The following SIRT1 variants were observed in gnomAD, a reference collection of about 807,000 sequenced individuals.
The protein encoded by SIRT1 is sirtuin 1, also known as NAD-dependent protein deacetylase sirtuin-1.
In SIRT1, 24 loss-of-function variants were observed where a neutral mutation model predicts 67.9. The observed-to-expected ratio is 0.35, with a 90% CI of 0.26 to 0.50. SIRT1 has a LOEUF of 0.50. SIRT1 is among the 20% of genes least tolerant of loss of function. The probability of loss-of-function intolerance (pLI) is 0.98; values close to 1 mark genes in which losing one functional copy is unlikely to be tolerated. For missense variants in SIRT1, 873 were observed against 937.2 expected (o/e 0.93, Z 0.89); for synonymous variants, 378 against 350.7 (o/e 1.08, Z -0.87).
chr10:67,885,129 G>T lies in SIRT1; in HGVS notation c.408G>T (p.Ala136=). ...AGGGCGAGGAGGAGGAAGAGGCGGC[G>T]GCGGCGGCGATTGGGTACCGAGGTG... The part of the protein sequence containing the change: ...DDEGEEEEEA[A]AAAIGYRDNL... The change falls in exon 1 of 9, where the codon GCG becomes GCT. Residue 136 remains alanine (A), a synonymous_variant. Coordinates refer to ENST00000212015, the MANE Select transcript of SIRT1 (RefSeq NM_012238.5). The T allele has an allele frequency of 7.0e-7, 1 of 1,435,398 alleles. No homozygotes were observed. Among genetic ancestry groups the T allele is most frequent in the Non-Finnish European group, 9.2e-7 (1 of 1,089,436 alleles). 88.9% of individuals were successfully genotyped at this position (1,435,398 alleles called of 1,614,324 possible). A position where few individuals can be genotyped will look rare whatever the true frequency, so the allele number is the denominator to read the frequency against.
chr10:67,912,709 T>G lies in SIRT1; in HGVS notation c.1593T>G (p.Pro531=). 1 of 1,614,144 alleles carries G rather than the reference T, an allele frequency of 6.2e-7. No individual in the cohort carries two copies. Among genetic ancestry groups the G allele is most frequent in the Non-Finnish European group, 8.5e-7 (1 of 1,180,024 alleles). The change falls in exon 8 of 9, where the codon CCT becomes CCG. Residue 531 remains proline, a synonymous_variant. Transcript: ENST00000212015. ...LAYLSELPPT[P]LHVSEDSSSP... ...ATTTGTCAGAGTTGCCACCCACACC[T>G]CTTCATGTTTCAGAAGACTCAAGTT...
At chr10:67,909,152 TA>T in intron 6 of SIRT1, 103 bp from the exon 7 acceptor site, 1 of 750,210 alleles carries the variant, frequency 1.3e-6, no homozygotes, top group Non-Finnish European at 2.1e-6. Flanking sequence ...GTTTTTTTTT[TA>T]ATAATTCTGA....
Position 67,916,731 on chromosome 10 carries a change from G to T in SIRT1, c.*138G>T, listed in dbSNP as rs1294780772. 15 of 522,958 alleles carry T rather than the reference G, an allele frequency of 2.9e-5. No individual in the cohort carries two copies. The highest frequency in any genetic ancestry group is 1.5e-4 in the South Asian group (3 of 19,650). The allele number at this position is 522,958 out of a possible 1,614,324, so 32.4% of individuals were successfully genotyped here. ...TATTTATAGGTTGGTAAAATAGATT[G>T]TTTTTCATGGATAATTTTTAACTTC... On this transcript the variant is annotated 3_prime_UTR_variant, in exon 9 of 9. Transcript: ENST00000212015.
chr10:67,893,799 T>C (rs776769606), intron 4 of SIRT1, among the ~76,000 whole-genome samples: 12 of 152,162 alleles, frequency 7.9e-5, no homozygotes, highest in Non-Finnish European at 1.6e-4. Context: ...CATCTCAGCC[T>C]CCCAAAGTGC....
At chr10:67,907,549 AT>A (rs1265337623) in intron 5 of SIRT1, among the ~76,000 whole-genome samples, 3 of 152,098 alleles carry the variant, frequency 2.0e-5, no homozygotes, top group African/African-American at 7.2e-5. Context: ...TTAGCTGTTA[AT>A]GAAGAAATGT....
At position 67,917,516 on chromosome 10, in the gene SIRT1, G is replaced by A. The variant is rs2029959085; in HGVS notation, c.*923G>A. ...AAATGTGAATATGCAAAGCCTTTCT[G>A]AATCTATAATAATGGTACTTCTACT... is the stretch of plus-strand genomic sequence containing the variant. On this transcript the variant is annotated 3_prime_UTR_variant, in exon 9 of 9. Transcript: ENST00000212015. 6.6e-6 allele frequency: 1 copy of A among 152,574 alleles called. No homozygotes were observed. The highest frequency in any genetic ancestry group is 6.5e-5 in the Admixed American group (1 of 15,272). 9.5% of individuals were successfully genotyped at this position (152,574 alleles called of 1,614,324 possible). A position where few individuals can be genotyped will look rare whatever the true frequency, so the allele number is the denominator to read the frequency against.
chr10:67,886,319 G>C (rs1388523276), intron 1 of SIRT1, among the ~76,000 whole-genome samples: 1 of 151,874 alleles, frequency 6.6e-6, no homozygotes. Flanking sequence ...CAGGCCGGGC[G>C]CGGTGGCTCT....
rs1157736577 is a variant in SIRT1 at position 67,906,842 on chromosome 10, T to C, written c.995T>C (p.Leu332Ser). ...TCTCTCTGTCACAAATTCATAGCCTTGTCAGATAAGGAAGGAAAACTACTT... is the reference window on the plus strand; with the variant it reads ...TCTCTCTGTCACAAATTCATAGCCTCGTCAGATAAGGAAGGAAAACTACTT... ...QPSLCHKFIA[L>S]SDKEGKLLRN... Residue 332 changes from leucine to serine, a missense_variant, in exon 5 of 9, where the codon TTG becomes TCG. Coordinates refer to ENST00000212015, the MANE Select transcript of SIRT1 (RefSeq NM_012238.5). 2 of 1,613,392 alleles carry C rather than the reference T, an allele frequency of 1.2e-6. No individual in the cohort carries two copies. The highest frequency in any genetic ancestry group is 1.1e-5 in the South Asian group (1 of 90,970).
chr10:67,904,123 GTTTGTTTTTTTTT>G, intron 4 of SIRT1, among the ~76,000 whole-genome samples: 1 of 115,434 alleles, frequency 8.7e-6, no homozygotes, highest in South Asian at 2.8e-4. Context: ...AGTTTTTTTT[GTTTGTTTTTTTTT>G]TTTTTTTTTT....
chr10:67,906,289 TA>T, intron 4 of SIRT1: 1 of 1,577,222 alleles, frequency 6.3e-7, no homozygotes, highest in Non-Finnish European at 8.6e-7. Context: ...ACAATTTTGG[TA>T]AGGATTAAAA....
At chr10:67,885,325 G>A in intron 1 of SIRT1, 174 bp downstream of exon 1, 1 of 1,240,272 alleles carries the variant, frequency 8.1e-7, no homozygotes, top group South Asian at 3.6e-5. Context: ...CCTACTGCGC[G>A]AGCTGCCAGT....
intron 4 of SIRT1, among the ~76,000 whole-genome samples, chr10:67,893,541 CTTTT>C (rs537770097): frequency 2.3e-5 from 3 of 131,472 alleles, no homozygotes; most frequent in Non-Finnish European, 1.6e-5. Flanking sequence ...ATGAACCTAG[CTTTT>C]TTTTTTTTTT....
chr10:67,906,471 G>A (rs1256277365), intron 4 of SIRT1, among the ~76,000 whole-genome samples: 1 of 151,130 alleles, frequency 6.6e-6, no homozygotes. Flanking sequence ...ATCTGAATTT[G>A]CAGCCAACAA....
At chr10:67,885,981 C>T (rs1389355048) in intron 1 of SIRT1, among the ~76,000 whole-genome samples, 2 of 127,970 alleles carry the variant, frequency 1.6e-5, no homozygotes, top group Non-Finnish European at 3.1e-5. Context: ...GAGTCTCGCT[C>T]TGTCGCTAGG....
In SIRT1 at chr10:67,898,939, GTTAT is replaced by G. The variant is rs1038024596; in HGVS notation, c.942+7390_942+7393del. On this transcript the variant is annotated intron_variant, in intron 4 of 8. Coordinates refer to ENST00000212015, the MANE Select transcript of SIRT1 (RefSeq NM_012238.5). ...TGAGGTGCTTGAATACTTTTTAATG[GTTAT>G]TTATGAAGTGGTGAACTGTAATTCT... 1.7e-4 allele frequency among the ~76,000 whole-genome samples: 26 copies of G among 152,144 alleles called. No individual in the cohort carries two copies. The East Asian group carries it at 3.7e-3, about 21-fold the overall frequency.
rs147909071 is a variant in SIRT1 at position 67,906,869 on chromosome 10, G to A, written c.1022G>A (p.Arg341His). 348 of 1,612,606 alleles carry A rather than the reference G, an allele frequency of 2.2e-4. No homozygotes were observed. The highest frequency in any genetic ancestry group is 6.5e-5 in the Non-Finnish European group (77 of 1,179,468). Reference sequence around the variant, plus strand: ...TCAGATAAGGAAGGAAAACTACTTCGCAACTATACCCAGAACATAGACACG... The same window carrying A: ...TCAGATAAGGAAGGAAAACTACTTCACAACTATACCCAGAACATAGACACG... ...ALSDKEGKLL[R>H]NYTQNIDTLE... Residue 341 changes from arginine to histidine, a missense_variant, in exon 5 of 9, where the codon CGC (arginine) becomes CAC (histidine). This residue lies in a region of SIRT1 where 251 missense variants were observed against 358.8 expected (regional missense o/e 0.70). Coordinates refer to ENST00000212015, the MANE Select transcript of SIRT1 (RefSeq NM_012238.5).
At position 67,903,163 on chromosome 10, in the gene SIRT1, A is replaced by G. The variant is rs183738867; in HGVS notation, c.943-3627A>G. On this transcript the variant is annotated intron_variant, in intron 4 of 8. Transcript: ENST00000212015. ...AGTGCCCATCCATTGGCACGATCAT[A>G]GAGTACTACAGCTCCCTAACTCCCA... Among the ~76,000 whole-genome samples, 308 of 152,236 alleles carry G rather than the reference A, an allele frequency of 2.0e-3. 3 individuals are homozygous for G. The highest frequency in any genetic ancestry group is 6.9e-3 in the African/African-American group (288 of 41,540).
At chr10:67,911,144 T>C (rs1034909678) in intron 7 of SIRT1, among the ~76,000 whole-genome samples, 1 of 152,262 alleles carries the variant, frequency 6.6e-6, no homozygotes, top group Admixed American at 6.5e-5. Flanking sequence ...AATCTCTTTG[T>C]TCTTGAGTTG....
chr10:67,884,718 G>C lies in SIRT1; in HGVS notation c.-4G>C, dbSNP rs895280947. The C allele has an allele frequency of 9.0e-6, 11 of 1,228,892 alleles. No homozygotes were observed. In the South Asian group the frequency reaches 3.3e-4, roughly 37 times the overall value. 76.1% of individuals were successfully genotyped at this position (1,228,892 alleles called of 1,614,324 possible). A position where few individuals can be genotyped will look rare whatever the true frequency, so the allele number is the denominator to read the frequency against. ...GGGAGGAGGGCCAGAGAGGCAGTTG[G>C]AAGATGGCGGACGAGGCGGCCCTCG... On this transcript the variant is annotated 5_prime_UTR_variant, in exon 1 of 9. Coordinates refer to ENST00000212015, the MANE Select transcript of SIRT1 (RefSeq NM_012238.5).
Sources: allele counts gnomAD v4.1 joint callset (sites outside exome capture counted in the v4.1 genomes callset), GRCh38; gene constraint gnomAD v4.1.1; regional missense constraint gnomAD v4.1.1; transcripts MANE v1.5; gene names NCBI Gene and HGNC (gene_info 2026-07-23, HGNC 2026-07-21).